BTBD8: variants seen among roughly 807,000 people sequenced by gnomAD.
BTBD8 encodes BTB domain containing 8, also known as BTB/POZ domain-containing protein 8.
Under a neutral mutation model 162.9 loss-of-function variants are expected in BTBD8, and 110 were observed. The ratio of observed to expected loss-of-function variants is 0.68; its 90% CI spans 0.58 to 0.79. The LOEUF (loss-of-function observed/expected upper bound fraction) is 0.79, where lower values mean the gene tolerates loss of function less well. Among genes scored for constraint, BTBD8 ranks in the 30% least tolerant of loss-of-function variants. BTBD8 has a pLI of 0.00. For missense variants in BTBD8, 1,905 were observed against 2,085.4 expected, an observed-to-expected ratio of 0.91 and a Z score of 1.68; for synonymous variants, 667 against 716.1, an observed-to-expected ratio of 0.93 and a Z score of 1.10.
chr1:92,160,166 G>T (rs749906329), intron 9 of BTBD8, among the ~76,000 whole-genome samples: 8 of 151,620 alleles, frequency 5.3e-5, no homozygotes, highest in African/African-American at 1.9e-4. Flanking sequence ...CACCTTTAAA[G>T]AATTTTTCAA....
intron 1 of BTBD8, among the ~76,000 whole-genome samples, chr1:92,087,855 A>G (rs1341998703): frequency 6.6e-6 from 1 of 152,226 alleles, no homozygotes; most frequent in African/African-American, 2.4e-5. Flanking sequence ...AAGTCCTCTG[A>G]GAATGCATAC....
chr1:92,105,694 A>G (rs1377756250), intron 3 of BTBD8, among the ~76,000 whole-genome samples: 1 of 152,232 alleles, frequency 6.6e-6, no homozygotes. Flanking sequence ...TTAAAAGAAA[A>G]ACGTTAGATA....
rs1270305635 is a variant in BTBD8 at position 92,129,682 on chromosome 1, T to C, written c.663-5T>C. 6.2e-7 allele frequency: 1 copy of C among 1,612,554 alleles called. No homozygotes were observed. The highest frequency in any genetic ancestry group is 1.1e-5 in the South Asian group (1 of 91,052). On this transcript the variant is annotated splice_polypyrimidine_tract_variant and splice_region_variant and intron_variant, in intron 4 of 17. Coordinates refer to ENST00000636805, the MANE Select transcript of BTBD8 (RefSeq NM_001376131.1). The stretch of plus-strand genomic sequence containing the variant: ...ACCTGTGTTTCTCCCCCCTCTTCCC[T>C]TTAGGGCCATTTTGAGTGCCAGATC...
intron 5 of BTBD8, among the ~76,000 whole-genome samples, chr1:92,132,902 C>A (rs1255811032): frequency 6.6e-6 from 1 of 152,082 alleles, no homozygotes; most frequent in Non-Finnish European, 1.5e-5. Flanking sequence ...AGAAGAATCA[C>A]CTGGTGGATG....
chr1:92,083,235 T>C (rs1648073079), intron 1 of BTBD8, among the ~76,000 whole-genome samples: 1 of 151,926 alleles, frequency 6.6e-6, no homozygotes, highest in African/African-American at 2.4e-5. Flanking sequence ...AACCAGAATA[T>C]GAACCCAAGC....
intron 4 of BTBD8, among the ~76,000 whole-genome samples, chr1:92,111,052 C>T (rs1280525714): frequency 6.7e-6 from 1 of 149,938 alleles, no homozygotes; most frequent in Non-Finnish European, 1.5e-5. Flanking sequence ...AGTGCAGTGG[C>T]GTAATCTTAG....
intron 5 of BTBD8, among the ~76,000 whole-genome samples, chr1:92,137,277 A>G (rs1286243903): frequency 2.0e-5 from 3 of 152,212 alleles, no homozygotes; most frequent in Non-Finnish European, 2.9e-5. Flanking sequence ...TATATCGTAT[A>G]TTCATTTTAG....
At chr1:92,171,225 T>TA (rs1249056121) in intron 12 of BTBD8, among the ~76,000 whole-genome samples, 174 bp from the exon 13 acceptor site, 2 of 152,068 alleles carry the variant, frequency 1.3e-5, no homozygotes, top group African/African-American at 2.4e-5. Context: ...GAGGTTCTTT[T>TA]AAAAAAATTC....
intron 9 of BTBD8, among the ~76,000 whole-genome samples, chr1:92,159,211 C>T (rs1012474400): frequency 6.7e-6 from 1 of 148,872 alleles, no homozygotes; most frequent in Non-Finnish European, 1.5e-5. Context: ...CTTGCTCTGT[C>T]GCCTAGGCTG....
chr1:92,163,004 A>G (rs1010697619), intron 9 of BTBD8, among the ~76,000 whole-genome samples: 8 of 152,148 alleles, frequency 5.3e-5, no homozygotes, highest in Admixed American at 2.6e-4. Context: ...CTATTAAAAC[A>G]AATATATATA....
chr1:92,083,368 G>C (rs1648077288), intron 1 of BTBD8, among the ~76,000 whole-genome samples: 1 of 152,096 alleles, frequency 6.6e-6, no homozygotes, highest in Non-Finnish European at 1.5e-5. Context: ...AGTGCCATCA[G>C]TTGGTTCATG....
chr1:92,097,731 G>A (rs565105010), intron 2 of BTBD8, among the ~76,000 whole-genome samples: 1 of 152,034 alleles, frequency 6.6e-6, no homozygotes, highest in Non-Finnish European at 1.5e-5. Flanking sequence ...TCCCTTTATG[G>A]CTGTATATTT....
At chr1:92,122,481 T>A (rs12063404) in intron 4 of BTBD8, among the ~76,000 whole-genome samples, 5,386 of 151,636 alleles carry the variant, frequency 0.036, 350 homozygotes, top group African/African-American at 0.12. Flanking sequence ...ATGGTCTTGA[T>A]CTCTTGACCT....
intron 9 of BTBD8, among the ~76,000 whole-genome samples, chr1:92,162,710 A>G (rs1650296137): frequency 6.6e-6 from 1 of 152,152 alleles, no homozygotes; most frequent in African/African-American, 2.4e-5. Flanking sequence ...GCACTCTTCC[A>G]GCACCTCAGA....
rs1650856185 is a variant in BTBD8, at chr1:92,180,600, G to A, written c.2917G>A (p.Val973Met). 4 of 1,551,312 alleles carry A rather than the reference G, an allele frequency of 2.6e-6. No individual in the cohort carries two copies. The highest frequency in any genetic ancestry group is 2.6e-6 in the Non-Finnish European group (3 of 1,146,920). Residue 973 changes from valine (V) to methionine (M), a missense_variant, in exon 17 of 18, where the codon GTG becomes ATG. Transcript: ENST00000636805. Reference sequence around the variant, plus strand: ...TGTCCAAAAAAGTATGTTTCATGATGTGCGTGATAATAACAACAAGGACAG... The same window carrying A: ...TGTCCAAAAAAGTATGTTTCATGATATGCGTGATAATAACAACAAGGACAG... ...STVQKSMFHD[V>M]RDNNNKDSVS...
intron 5 of BTBD8, among the ~76,000 whole-genome samples, chr1:92,130,143 T>C (rs2101929640): frequency 6.6e-6 from 1 of 152,284 alleles, no homozygotes; most frequent in East Asian, 1.9e-4. Context: ...CATGTGGCCT[T>C]TCCTTGGTGC....
chr1:92,124,860 T>C (rs1649310566), intron 4 of BTBD8, among the ~76,000 whole-genome samples: 1 of 152,200 alleles, frequency 6.6e-6, no homozygotes, highest in African/African-American at 2.4e-5. Flanking sequence ...TTGAACATAA[T>C]TATGGTGAGT....
At chr1:92,084,917 C>T (rs1648118682) in intron 1 of BTBD8, among the ~76,000 whole-genome samples, 2 of 152,198 alleles carry the variant, frequency 1.3e-5, no homozygotes, top group Non-Finnish European at 2.9e-5. Flanking sequence ...TAGTTCCACA[C>T]TCACACATAT....
At chr1:92,107,758 T>C in intron 3 of BTBD8, 126 bp from the exon 4 acceptor site, 1 of 711,788 alleles carries the variant, frequency 1.4e-6, no homozygotes, top group Middle Eastern at 4.0e-4. Context: ...TTATTTTTAA[T>C]TTACCACTTA....
Sources: allele counts gnomAD v4.1 joint callset (sites outside exome capture counted in the v4.1 genomes callset), GRCh38; gene constraint gnomAD v4.1.1; transcripts MANE v1.5; gene names NCBI Gene and HGNC (gene_info 2026-07-23, HGNC 2026-07-21).